The following TRAF3 variants were observed in gnomAD, a reference collection of about 807,000 sequenced individuals.
TRAF3 encodes the protein TNF receptor-associated factor 3.
A neutral mutation model predicts 62.3 loss-of-function variants in TRAF3; 13 were observed. That is an observed-to-expected ratio of 0.21 (90% CI 0.14 to 0.33). The LOEUF (loss-of-function observed/expected upper bound fraction) is 0.33. TRAF3 is among the 10% of genes least tolerant of loss of function. TRAF3 has a pLI of 1.00. For synonymous variants in TRAF3, 269 were observed against 283.4 expected, an observed-to-expected ratio of 0.95 and a Z score of 0.51; for missense variants, 440 against 741.8, an observed-to-expected ratio of 0.59 and a Z score of 4.73.
At chr14:102,821,182 A>G (rs1460627021) in intron 1 of TRAF3, among the ~76,000 whole-genome samples, 4 of 152,178 alleles carry the variant, frequency 2.6e-5, no homozygotes, top group Non-Finnish European at 5.9e-5. Flanking sequence ...TCATCTGAAA[A>G]TGTATATTAA....
At chr14:102,843,573 A>G (rs1886510477) in intron 2 of TRAF3, among the ~76,000 whole-genome samples, 1 of 152,170 alleles carries the variant, frequency 6.6e-6, no homozygotes, top group Non-Finnish European at 1.5e-5. Context: ...CCTGATTTCA[A>G]GCAATCCACC....
chr14:102,788,244 A>G (rs969381187), intron 1 of TRAF3, among the ~76,000 whole-genome samples: 18 of 152,222 alleles, frequency 1.2e-4, no homozygotes, highest in Admixed American at 2.6e-4. Context: ...TAAATGAACC[A>G]GTATATTATA....
At chr14:102,807,272 A>AGCCT (rs1473474563) in intron 1 of TRAF3, among the ~76,000 whole-genome samples, 5 of 152,072 alleles carry the variant, frequency 3.3e-5, no homozygotes, top group Non-Finnish European at 7.4e-5. Context: ...CAGCCCCAGG[A>AGCCT]GCCTGCCTGC....
chr14:102,825,448 G>A (rs1018977257), intron 1 of TRAF3, among the ~76,000 whole-genome samples: 8 of 152,200 alleles, frequency 5.3e-5, no homozygotes, highest in Non-Finnish European at 7.3e-5. Context: ...GGCAGGTTGC[G>A]CCCCTGCCCG....
Position 102,870,198 on chromosome 14 carries a change from T to G in TRAF3, c.-4T>G. 3 of 1,613,968 alleles carry G rather than the reference T, an allele frequency of 1.9e-6. No individual in the cohort carries two copies. The highest frequency in any genetic ancestry group is 2.5e-6 in the Non-Finnish European group (3 of 1,180,020). On this transcript the variant is annotated 5_prime_UTR_variant, in exon 3 of 12. Coordinates refer to ENST00000392745, the MANE Select transcript of TRAF3 (RefSeq NM_145725.3). ...TTTTCCCGACAGAACTCCTCTTTCCTAAAATGGAGTCGAGTAAAAAGATGG... is the reference window on the plus strand; with the variant it reads ...TTTTCCCGACAGAACTCCTCTTTCCGAAAATGGAGTCGAGTAAAAAGATGG...
intron 2 of TRAF3, among the ~76,000 whole-genome samples, chr14:102,859,262 C>T (rs1169157456): frequency 1.3e-5 from 2 of 151,222 alleles, no homozygotes; most frequent in Non-Finnish European, 2.9e-5. Flanking sequence ...ACTTTCCCTA[C>T]ACACCTTGCA....
chr14:102,793,734 C>G (rs1232424239), intron 1 of TRAF3, among the ~76,000 whole-genome samples: 5 of 152,178 alleles, frequency 3.3e-5, no homozygotes, highest in Middle Eastern at 3.2e-3. Context: ...AACTCTATTC[C>G]TGATGCCAGG....
intron 6 of TRAF3, among the ~76,000 whole-genome samples, chr14:102,882,416 G>A (rs114996547): frequency 0.013 from 1,962 of 152,250 alleles, 44 homozygotes; most frequent in African/African-American, 0.046. Flanking sequence ...CGTGTTTGGG[G>A]TCCTGCCAGT....
At chr14:102,861,163 T>G (rs1482720651) in intron 2 of TRAF3, among the ~76,000 whole-genome samples, 1 of 152,220 alleles carries the variant, frequency 6.6e-6, no homozygotes, top group African/African-American at 2.4e-5. Context: ...TTTCCCAGCA[T>G]TCCCATCAGC....
intron 1 of TRAF3, among the ~76,000 whole-genome samples, chr14:102,818,036 C>T (rs936716627): frequency 2.0e-5 from 3 of 152,120 alleles, no homozygotes; most frequent in Non-Finnish European, 4.4e-5. Flanking sequence ...GGCAGTATGG[C>T]GAGCTCGAGA....
chr14:102,777,936 G>A (rs1897093302), intron 1 of TRAF3, among the ~76,000 whole-genome samples: 1 of 149,866 alleles, frequency 6.7e-6, no homozygotes, highest in Non-Finnish European at 1.5e-5. Context: ...CGGGCTCGGG[G>A]CCCGAGGGGG....
At chr14:102,777,930 C>G (rs1165334253) in intron 1 of TRAF3, among the ~76,000 whole-genome samples, 2 of 149,790 alleles carry the variant, frequency 1.3e-5, no homozygotes, top group African/African-American at 2.4e-5. Context: ...GGAGGCCGGG[C>G]TCGGGGCCCG....
intron 4 of TRAF3, among the ~76,000 whole-genome samples, chr14:102,872,310 T>C (rs886137620): frequency 6.6e-6 from 1 of 152,196 alleles, no homozygotes. Context: ...CTGTCTGTGG[T>C]TGGGTCACTT....
chr14:102,816,137 C>T (rs1224572668), intron 1 of TRAF3, among the ~76,000 whole-genome samples: 1 of 151,614 alleles, frequency 6.6e-6, no homozygotes, highest in Non-Finnish European at 1.5e-5. Context: ...GGGTCTCACT[C>T]TGTTGCCCAG....
chr14:102,799,309 C>T (rs1366020413), intron 1 of TRAF3, among the ~76,000 whole-genome samples: 2 of 152,194 alleles, frequency 1.3e-5, no homozygotes, highest in African/African-American at 2.4e-5. Context: ...CACTCATGTT[C>T]TTTTCCATCT....
Position 102,850,626 on chromosome 14 carries a change from G to A in TRAF3, c.-17-19559G>A, listed in dbSNP as rs1429249905. Among the ~76,000 whole-genome samples, 5 of 148,988 alleles carry A rather than the reference G, an allele frequency of 3.4e-5. No homozygotes were observed. The East Asian group carries it at 6.0e-4, about 18-fold the overall frequency. Reference sequence around the variant, plus strand: ...GGAGAATCGTTTGAACCTGGGAGGCGTAGGATTGAACCAAGATTGCGCCAC... The same window carrying A: ...GGAGAATCGTTTGAACCTGGGAGGCATAGGATTGAACCAAGATTGCGCCAC... On this transcript the variant is annotated intron_variant, in intron 2 of 11. Coordinates refer to ENST00000392745, the MANE Select transcript of TRAF3 (RefSeq NM_145725.3).
Position 102,789,589 on chromosome 14 carries a change from GAT to G in TRAF3, c.-157+11919_-157+11920del, listed in dbSNP as rs574233831. Reference sequence around the variant, plus strand: ...CAATCACACTTATGAACTACAAAAGGATATATGTGTGTGTGTGTGTGTGTGTG... The same window carrying G: ...CAATCACACTTATGAACTACAAAAGGATATGTGTGTGTGTGTGTGTGTGTG... On this transcript the variant is annotated intron_variant, in intron 1 of 11. Transcript: ENST00000392745. Among the ~76,000 whole-genome samples the G allele has an allele frequency of 3.2e-3, 369 of 115,338 alleles. 1 individual carries two copies. The highest frequency in any genetic ancestry group is 0.011 in the African/African-American group (320 of 27,964). The allele number at this position is 115,338 out of a possible 152,430, so 75.7% of individuals were successfully genotyped here.
At chr14:102,877,416 T>C (rs960139947) in intron 6 of TRAF3, among the ~76,000 whole-genome samples, 16 of 143,268 alleles carry the variant, frequency 1.1e-4, no homozygotes, top group Admixed American at 2.1e-4. Context: ...GGCCTTCCGC[T>C]CAGCTCATAG....
chr14:102,839,769 A>T (rs2896460), intron 2 of TRAF3, among the ~76,000 whole-genome samples: 64,170 of 152,148 alleles, frequency 0.42, 18,717 homozygotes, highest in African/African-American at 0.83. Flanking sequence ...TACACAGTGC[A>T]TTTGTTTACT....
Sources: gnomAD v4.1 joint callset for allele counts (sites outside exome capture counted in the v4.1 genomes callset) on GRCh38, gnomAD v4.1.1 for gene constraint, MANE v1.5 for transcripts, NCBI Gene and HGNC (gene_info 2026-07-23, HGNC 2026-07-21) for gene names.